Variants in MYT1L observed in about 807,000 individuals in gnomAD.
The protein encoded by MYT1L is myelin transcription factor 1-like protein.
A neutral mutation model predicts 126.7 loss-of-function variants in MYT1L; 12 were observed. The observed-to-expected ratio is 0.09, with a 90% CI of 0.06 to 0.15. The LOEUF is 0.15. Among genes scored for constraint, MYT1L ranks in the 10% least tolerant of loss-of-function variants. The pLI is 1.00. For synonymous variants in MYT1L, 541 were observed against 604.2 expected (o/e 0.90, Z 1.53); for missense variants, 979 against 1,585.2 (o/e 0.62, Z 6.49).
chr2:1,904,213 T>C (rs1183549533), intron 13 of MYT1L, among the ~76,000 whole-genome samples: 4 of 152,314 alleles, frequency 2.6e-5, no homozygotes, highest in Admixed American at 1.3e-4. Flanking sequence ...ATGTCCTTTT[T>C]CTGACACAGC....
chr2:2,070,274 C>T (rs769223670), intron 3 of MYT1L, among the ~76,000 whole-genome samples: 1 of 152,154 alleles, frequency 6.6e-6, no homozygotes, highest in Admixed American at 6.5e-5. Flanking sequence ...AGGTAATCTA[C>T]CCCATGTTTC....
intron 4 of MYT1L, among the ~76,000 whole-genome samples, chr2:2,010,419 G>A (rs1042216513): frequency 2.0e-5 from 3 of 152,124 alleles, no homozygotes; most frequent in African/African-American, 7.2e-5. Context: ...GAAATGCAGG[G>A]ACAGTTAGGT....
At chr2:1,937,206 C>T (rs1046738540) in intron 9 of MYT1L, among the ~76,000 whole-genome samples, 1 of 152,216 alleles carries the variant, frequency 6.6e-6, no homozygotes, top group African/African-American at 2.4e-5. Context: ...TTCGACTCCC[C>T]TGACCCCCAC....
At chr2:1,888,744 T>C (rs2048457736) in intron 16 of MYT1L, among the ~76,000 whole-genome samples, 1 of 152,218 alleles carries the variant, frequency 6.6e-6, no homozygotes. Context: ...AACAAAGACT[T>C]AGGTGATGGT....
chr2:1,838,411 G>T (rs975823092), intron 21 of MYT1L, among the ~76,000 whole-genome samples: 1 of 152,180 alleles, frequency 6.6e-6, no homozygotes, highest in Non-Finnish European at 1.5e-5. Context: ...TGTGATTTTC[G>T]TAGAAAGTGG....
At chr2:2,024,478 C>T (rs555996342) in intron 4 of MYT1L, among the ~76,000 whole-genome samples, 1 of 152,178 alleles carries the variant, frequency 6.6e-6, no homozygotes, top group African/African-American at 2.4e-5. Flanking sequence ...TTCCAAGCTG[C>T]TCTTTCTATT....
intron 3 of MYT1L, among the ~76,000 whole-genome samples, chr2:2,166,485 G>A (rs1010780890): frequency 1.3e-5 from 2 of 152,196 alleles, no homozygotes; most frequent in Non-Finnish European, 2.9e-5. Flanking sequence ...GGGTTTCAGA[G>A]TCAGAATTGA....
At chr2:1,998,507 C>T (rs960987307) in intron 4 of MYT1L, among the ~76,000 whole-genome samples, 1 of 152,168 alleles carries the variant, frequency 6.6e-6, no homozygotes, top group African/African-American at 2.4e-5. Flanking sequence ...GGACTGAGCC[C>T]TAAACCCTTT....
chr2:1,800,916 G>A (rs756437825), intron 23 of MYT1L, among the ~76,000 whole-genome samples: 1 of 151,970 alleles, frequency 6.6e-6, no homozygotes, highest in East Asian at 1.9e-4. Flanking sequence ...ATTTCTAAGA[G>A]GAAGGGACAC....
At chr2:2,249,826 T>TA (rs561222745) in intron 2 of MYT1L, among the ~76,000 whole-genome samples, 1 of 151,946 alleles carries the variant, frequency 6.6e-6, no homozygotes, top group African/African-American at 2.4e-5. Flanking sequence ...AACAACTTTA[T>TA]AAAAAAAACT....
intron 2 of MYT1L, among the ~76,000 whole-genome samples, chr2:2,179,017 G>C (rs541475474): frequency 6.0e-4 from 91 of 151,746 alleles, no homozygotes; most frequent in Non-Finnish European, 1.1e-3. Flanking sequence ...ATTAACCAAA[G>C]AGCAGTAACT....
chr2:1,972,227 T>A (rs1195667309), intron 8 of MYT1L, among the ~76,000 whole-genome samples: 1 of 152,202 alleles, frequency 6.6e-6, no homozygotes, highest in Admixed American at 6.5e-5. Flanking sequence ...ATTAGAGCAT[T>A]CAGCAGACAC....
chr2:1,897,833 G>A (rs139843343), intron 14 of MYT1L, among the ~76,000 whole-genome samples: 11 of 152,170 alleles, frequency 7.2e-5, no homozygotes, highest in East Asian at 3.9e-4. Context: ...TCTTCCAGGC[G>A]CCCAGAACAT....
rs552443895 is a variant in MYT1L at position 1,943,917 on chromosome 2, A to G, written c.153-583T>C. On this transcript the variant is annotated intron_variant, in intron 8 of 24. Transcript: ENST00000647738. The surrounding 1 kb of genome is among the most constrained non-coding windows in gnomAD (Gnocchi z 4.4). ...GTCAATGTTGTATGAAAGCAACTGC[A>G]TCATTCAAAGTTCTGCAGAACTTCC... 7.2e-5 allele frequency among the ~76,000 whole-genome samples: 11 copies of G among 152,302 alleles called. No individual in the cohort carries two copies. The highest frequency in any genetic ancestry group is 1.3e-4 in the Non-Finnish European group (9 of 68,032).
At chr2:2,149,733 G>C (rs1250184599) in intron 3 of MYT1L, among the ~76,000 whole-genome samples, 2 of 152,180 alleles carry the variant, frequency 1.3e-5, no homozygotes, top group Non-Finnish European at 2.9e-5. Flanking sequence ...AGAAGTTCCC[G>C]AGAGTGCATT....
intron 3 of MYT1L, among the ~76,000 whole-genome samples, chr2:2,086,826 T>C (rs1459116317): frequency 2.0e-5 from 3 of 152,234 alleles, no homozygotes; most frequent in African/African-American, 7.2e-5. Flanking sequence ...TTTTTCCTCC[T>C]GAAGTTCTTA....
At chr2:2,037,268 C>T (rs370890899) in intron 4 of MYT1L, among the ~76,000 whole-genome samples, 4 of 152,158 alleles carry the variant, frequency 2.6e-5, no homozygotes, top group Non-Finnish European at 5.9e-5. Flanking sequence ...CTAAGTTCTA[C>T]GGTAACTGGG....
rs2053674722 is a variant in MYT1L, at chr2:1,922,392, C to T, written c.1377G>A (p.Arg459=). 2 of 1,613,830 alleles carry T rather than the reference C, an allele frequency of 1.2e-6. No individual in the cohort carries two copies. The highest frequency in any genetic ancestry group is 2.7e-5 in the African/African-American group (2 of 74,902). The change falls in exon 10 of 25, where the codon AGG becomes AGA. Residue 459 remains arginine (R), a synonymous_variant. Transcript: ENST00000647738. This position sits in a 1 kb window ranked among gnomAD's most constrained non-coding sequence, Gnocchi z 7.4. The part of the protein sequence containing the change: ...REKMAMEAGR[R]DNMRSYEDQS... ...GGTCCTCATATGACCTCATATTGTC[C>T]CTCCTCCCAGCTTCCATGGCCATCT... is the stretch of plus-strand genomic sequence containing the variant.
At chr2:2,291,148 C>G (rs2095593417) in intron 1 of MYT1L, among the ~76,000 whole-genome samples, 1 of 151,830 alleles carries the variant, frequency 6.6e-6, no homozygotes, top group African/African-American at 2.4e-5. Flanking sequence ...GCTGAGAACC[C>G]TGAGACAAAG....
Sources: gnomAD v4.1 joint callset for allele counts (sites outside exome capture counted in the v4.1 genomes callset) on GRCh38, gnomAD v4.1.1 for gene constraint, Gnocchi (gnomAD v3.1) non-coding constraint, MANE v1.5 for transcripts, NCBI Gene and HGNC (gene_info 2026-07-23, HGNC 2026-07-21) for gene names.